Variants in PAPSS1 observed in about 807,000 individuals in gnomAD.
PAPSS1 encodes bifunctional 3'-phosphoadenosine 5'-phosphosulfate synthase 1.
A neutral mutation model predicts 72.0 loss-of-function variants in PAPSS1; 50 were observed. That is an observed-to-expected ratio of 0.69 (90% CI 0.55 to 0.88). The LOEUF is 0.88. Among genes scored for constraint, PAPSS1 ranks in the 40% least tolerant of loss-of-function variants. PAPSS1 has a pLI of 0.00. For missense variants in PAPSS1, 657 were observed against 782.2 expected (o/e 0.84, Z 1.91); for synonymous variants, 261 against 263.6 (o/e 0.99, Z 0.09).
At chr4:107,614,433 T>A in intron 11 of PAPSS1, 46 bp from the exon 12 acceptor site, 1 of 1,488,092 alleles carries the variant, frequency 6.7e-7, no homozygotes, top group South Asian at 1.2e-5. Flanking sequence ...TTTTAGAAAC[T>A]TAGATTTTTA....
chr4:107,702,019 A>G (rs185431499), intron 1 of PAPSS1, among the ~76,000 whole-genome samples: 2 of 152,092 alleles, frequency 1.3e-5, no homozygotes, highest in East Asian at 3.9e-4. Flanking sequence ...GCCTCAAAGT[A>G]TCTGAACAGG....
At chr4:107,656,463 G>A (rs1265256471) in intron 7 of PAPSS1, among the ~76,000 whole-genome samples, 2 of 152,114 alleles carry the variant, frequency 1.3e-5, no homozygotes, top group Non-Finnish European at 2.9e-5. Context: ...AAAAGAATAG[G>A]AAGGACCACA....
At chr4:107,619,585 G>C (rs569198410) in intron 11 of PAPSS1, among the ~76,000 whole-genome samples, 2 of 152,186 alleles carry the variant, frequency 1.3e-5, no homozygotes, top group East Asian at 3.9e-4. Context: ...AAAAAAAACT[G>C]AAGAATTTCT....
chr4:107,660,722 T>A (rs1238721767), intron 5 of PAPSS1, among the ~76,000 whole-genome samples: 1 of 152,226 alleles, frequency 6.6e-6, no homozygotes, highest in African/African-American at 2.4e-5. Context: ...AGGAGCTCTT[T>A]ACAAGGCTTG....
At chr4:107,698,812 TC>T (rs1399536100) in intron 2 of PAPSS1, among the ~76,000 whole-genome samples, 2 of 151,956 alleles carry the variant, frequency 1.3e-5, no homozygotes, top group Non-Finnish European at 2.9e-5. Flanking sequence ...TGGAGAAAAA[TC>T]CCCAAGTGCT....
chr4:107,719,470 A>G (rs2125946404), intron 1 of PAPSS1, among the ~76,000 whole-genome samples: 1 of 152,314 alleles, frequency 6.6e-6, no homozygotes, highest in Middle Eastern at 3.4e-3. Context: ...CTGGTCCCAT[A>G]CCTGACTGTC....
intron 5 of PAPSS1, among the ~76,000 whole-genome samples, chr4:107,660,837 T>C (rs970919): frequency 0.37 from 56,655 of 152,050 alleles, 11,160 homozygotes; most frequent in South Asian, 0.54. Context: ...CCATGCAAAA[T>C]TGGCACTGAT....
chr4:107,646,472 T>C (rs1432898773), intron 9 of PAPSS1, among the ~76,000 whole-genome samples: 1 of 151,788 alleles, frequency 6.6e-6, no homozygotes, highest in Non-Finnish European at 1.5e-5. Context: ...CTAAATACCA[T>C]TCCCCAGTTA....
intron 5 of PAPSS1, among the ~76,000 whole-genome samples, chr4:107,665,263 A>G (rs1727286187): frequency 6.6e-6 from 1 of 152,200 alleles, no homozygotes; most frequent in African/African-American, 2.4e-5. Flanking sequence ...AGCTTCTAGC[A>G]CATTCCAGTG....
intron 1 of PAPSS1, among the ~76,000 whole-genome samples, chr4:107,705,794 T>A (rs1183068237): frequency 1.3e-5 from 2 of 152,276 alleles, no homozygotes. Flanking sequence ...ATGTTACTAA[T>A]TAGCATCCTT....
intron 5 of PAPSS1, among the ~76,000 whole-genome samples, chr4:107,667,416 G>A (rs141125012): frequency 5.9e-5 from 9 of 152,238 alleles, no homozygotes; most frequent in Admixed American, 5.9e-4. Flanking sequence ...GTAGGGAGGT[G>A]GGAAACCTTG....
chr4:107,705,615 T>C (rs983633077), intron 1 of PAPSS1, among the ~76,000 whole-genome samples: 1 of 152,270 alleles, frequency 6.6e-6, no homozygotes, highest in Non-Finnish European at 1.5e-5. Context: ...TTTCTTTAAA[T>C]GTTTGGTAGA....
intron 11 of PAPSS1, among the ~76,000 whole-genome samples, chr4:107,621,763 G>A (rs1035369911): frequency 1.5e-4 from 23 of 151,532 alleles, no homozygotes; most frequent in Admixed American, 4.6e-4. Context: ...TGGGACTACA[G>A]GTGCCTGCCA....
chr4:107,638,568 G>GTGGA (rs1480201384), intron 10 of PAPSS1, among the ~76,000 whole-genome samples: 2 of 152,130 alleles, frequency 1.3e-5, no homozygotes, highest in Non-Finnish European at 2.9e-5. Context: ...GGGGCTCAGA[G>GTGGA]TGGAGACAAC....
chr4:107,648,561 T>C (rs1004510219), intron 9 of PAPSS1, among the ~76,000 whole-genome samples: 4 of 152,188 alleles, frequency 2.6e-5, no homozygotes. Context: ...AATTACAACA[T>C]CTTCTTGCTT....
chr4:107,631,354 T>TA (rs1726220857), intron 11 of PAPSS1, among the ~76,000 whole-genome samples: 1 of 152,246 alleles, frequency 6.6e-6, no homozygotes, highest in African/African-American at 2.4e-5. Context: ...AAACTAGTTA[T>TA]GCTCAGTAAG....
chr4:107,688,481 T>C (rs770824564), intron 3 of PAPSS1, among the ~76,000 whole-genome samples: 6 of 152,152 alleles, frequency 3.9e-5, no homozygotes, highest in Non-Finnish European at 7.4e-5. Flanking sequence ...CATAATGAAC[T>C]AACAAATCAT....
intron 1 of PAPSS1, among the ~76,000 whole-genome samples, chr4:107,716,615 C>A (rs990962300): frequency 1.3e-5 from 2 of 152,110 alleles, no homozygotes; most frequent in Non-Finnish European, 2.9e-5. Flanking sequence ...TTCCCTCAGC[C>A]CAACTAACAC....
At chr4:107,715,636 T>C (rs895511514) in intron 1 of PAPSS1, among the ~76,000 whole-genome samples, 1 of 152,372 alleles carries the variant, frequency 6.6e-6, no homozygotes, top group Middle Eastern at 3.4e-3. Flanking sequence ...CATTCATTTA[T>C]TTGGTTTAAT....
Sources: allele counts gnomAD v4.1 joint callset (sites outside exome capture counted in the v4.1 genomes callset), GRCh38; gene constraint gnomAD v4.1.1; transcripts MANE v1.5; gene names NCBI Gene and HGNC (gene_info 2026-07-23, HGNC 2026-07-21).